Variants in GULP1 observed in about 807,000 individuals in gnomAD.
GULP1 encodes the protein GULP PTB domain containing engulfment adaptor 1, also known as PTB domain-containing engulfment adapter protein 1.
Under a neutral mutation model 40.9 loss-of-function variants are expected in GULP1, and 19 were observed. The observed-to-expected ratio is 0.46, with a 90% CI of 0.32 to 0.68. The LOEUF is 0.68. Ranked by LOEUF, GULP1 falls within the 30% of genes least tolerant of loss-of-function variation. The probability of loss-of-function intolerance (pLI) is 0.03; values close to 1 mark genes in which losing one functional copy is unlikely to be tolerated. For missense variants in GULP1, 312 were observed against 362.2 expected (o/e 0.86, Z 1.12); for synonymous variants, 119 against 117.6 (o/e 1.01, Z -0.08).
intron 2 of GULP1, among the ~76,000 whole-genome samples, chr2:188,443,833 C>T (rs572582796): frequency 6.6e-6 from 1 of 150,776 alleles, no homozygotes; most frequent in South Asian, 2.1e-4. Context: ...ATTACAGGTG[C>T]CTGCAAAAAA....
At chr2:188,330,239 CTT>C (rs972866799) in intron 1 of GULP1, among the ~76,000 whole-genome samples, 11 of 151,974 alleles carry the variant, frequency 7.2e-5, no homozygotes, top group African/African-American at 2.4e-4. Context: ...TAAAAATAAA[CTT>C]ATCTATTTTA....
rs190551760 is a variant in GULP1 at position 188,443,630 on chromosome 2, G to A, written c.-44-34029G>A. On this transcript the variant is annotated intron_variant, in intron 2 of 11. Transcript: ENST00000409830. ...AAACCTGTATACAGTTCTATAAAAT[G>A]CATGTTTTGCTAAAAACTGATTTTA... 2.2e-4 allele frequency among the ~76,000 whole-genome samples: 33 copies of A among 151,872 alleles called. 1 individual carries two copies. Among genetic ancestry groups the A allele is most frequent in the African/African-American group, 8.0e-4 (33 of 41,396 alleles).
intron 9 of GULP1, among the ~76,000 whole-genome samples, chr2:188,571,432 T>C (rs1208123067): frequency 6.6e-6 from 1 of 152,256 alleles, no homozygotes; most frequent in East Asian, 1.9e-4. Flanking sequence ...CCACCTCCCA[T>C]TTGAAAGAGT....
chr2:188,564,916 TC>T (rs1186010441), intron 7 of GULP1, among the ~76,000 whole-genome samples: 1 of 151,868 alleles, frequency 6.6e-6, no homozygotes, highest in Non-Finnish European at 1.5e-5. Context: ...TAATTTTTTT[TC>T]CCACAAATGT....
intron 1 of GULP1, among the ~76,000 whole-genome samples, chr2:188,333,840 C>G (rs936833838): frequency 1.3e-5 from 2 of 152,112 alleles, no homozygotes; most frequent in Non-Finnish European, 2.9e-5. Context: ...AGCTGCAGTT[C>G]GGATGTGATC....
chr2:188,426,472 A>G (rs1248902659), intron 2 of GULP1, among the ~76,000 whole-genome samples: 3 of 152,170 alleles, frequency 2.0e-5, no homozygotes, highest in Non-Finnish European at 4.4e-5. Flanking sequence ...GAGATTCTGT[A>G]CAGAATACAG....
intron 1 of GULP1, among the ~76,000 whole-genome samples, chr2:188,298,559 A>C (rs2035487013): frequency 6.6e-6 from 1 of 152,128 alleles, no homozygotes; most frequent in African/African-American, 2.4e-5. Context: ...AATTTTTATG[A>C]ATTATTTTTT....
intron 3 of GULP1, among the ~76,000 whole-genome samples, chr2:188,482,234 T>A (rs1355306454): frequency 6.6e-6 from 1 of 151,860 alleles, no homozygotes; most frequent in Non-Finnish European, 1.5e-5. Flanking sequence ...ATAAAATAAT[T>A]TACATTCCAA....
intron 1 of GULP1, among the ~76,000 whole-genome samples, chr2:188,302,125 T>G (rs1200365279): frequency 1.3e-5 from 2 of 152,154 alleles, no homozygotes; most frequent in Non-Finnish European, 2.9e-5. Context: ...ACAGACTACT[T>G]GGGTTTTGTA....
intron 1 of GULP1, among the ~76,000 whole-genome samples, chr2:188,361,817 A>G (rs767635736): frequency 3.3e-5 from 5 of 152,084 alleles, no homozygotes; most frequent in Admixed American, 6.6e-5. Context: ...GGAGAGGAAG[A>G]AGCACATTTC....
intron 2 of GULP1, among the ~76,000 whole-genome samples, chr2:188,467,099 G>T (rs576299163): frequency 6.6e-6 from 1 of 151,764 alleles, no homozygotes; most frequent in Non-Finnish European, 1.5e-5. Flanking sequence ...AGGGTCTGGG[G>T]ACATGACACA....
chr2:188,552,073 C>T lies in GULP1; in HGVS notation c.399+10755C>T, dbSNP rs548941524. Among the ~76,000 whole-genome samples, 45 of 151,088 alleles carry T rather than the reference C, an allele frequency of 3.0e-4. No homozygotes were observed. The South Asian group carries it at 3.1e-3, about 10-fold the overall frequency. On this transcript the variant is annotated intron_variant, in intron 7 of 11. Transcript: ENST00000409830. Reference sequence around the variant, plus strand: ...TCCTTGTATATTCTGGAAGTTAGTCCTCTGTCAGATGAATAATCCGAAAAT... The same window carrying T: ...TCCTTGTATATTCTGGAAGTTAGTCTTCTGTCAGATGAATAATCCGAAAAT...
chr2:188,494,639 A>T (rs2062727963), intron 4 of GULP1, among the ~76,000 whole-genome samples: 1 of 152,024 alleles, frequency 6.6e-6, no homozygotes, highest in Non-Finnish European at 1.5e-5. Flanking sequence ...CTGCTCCAAA[A>T]GAGGAGCGAG....
At chr2:188,400,107 A>C (rs2052002836) in intron 2 of GULP1, among the ~76,000 whole-genome samples, 1 of 152,208 alleles carries the variant, frequency 6.6e-6, no homozygotes, top group African/African-American at 2.4e-5. Context: ...ACCAGGGGTC[A>C]CTGTCCCTCC....
chr2:188,377,805 A>G (rs555009289), intron 1 of GULP1, among the ~76,000 whole-genome samples: 27 of 152,300 alleles, frequency 1.8e-4, no homozygotes, highest in South Asian at 1.7e-3. Context: ...ATATACGCCA[A>G]TTTTCCTATT....
intron 4 of GULP1, 75 bp downstream of exon 4, chr2:188,483,567 G>A (rs985743817): frequency 3.5e-6 from 2 of 569,670 alleles, no homozygotes; most frequent in South Asian, 3.1e-5. Context: ...ATCTCAGATT[G>A]CTTATGTATT....
chr2:188,317,778 A>G (rs2039332031), intron 1 of GULP1, among the ~76,000 whole-genome samples: 1 of 148,114 alleles, frequency 6.8e-6, no homozygotes, highest in Non-Finnish European at 1.5e-5. Context: ...AAAATATGCT[A>G]TTAAGTGAAT....
chr2:188,517,517 T>C (rs1046217296), intron 4 of GULP1, among the ~76,000 whole-genome samples: 4 of 152,110 alleles, frequency 2.6e-5, no homozygotes, highest in Non-Finnish European at 4.4e-5. Flanking sequence ...CTGTTTTTTT[T>C]CCCCCAGTCT....
chr2:188,490,271 A>AT (rs1386623733), intron 4 of GULP1, among the ~76,000 whole-genome samples: 1 of 152,162 alleles, frequency 6.6e-6, no homozygotes, highest in Admixed American at 6.6e-5. Context: ...TAGTAGCAAA[A>AT]TTAGGTGTTG....
Sources: allele counts gnomAD v4.1 joint callset (sites outside exome capture counted in the v4.1 genomes callset), GRCh38; gene constraint gnomAD v4.1.1; transcripts MANE v1.5; gene names NCBI Gene and HGNC (gene_info 2026-07-23, HGNC 2026-07-21).